PTPRB: variants seen among roughly 807,000 people sequenced by gnomAD.
The protein encoded by PTPRB is receptor-type tyrosine-protein phosphatase beta.
A neutral mutation model predicts 238.1 loss-of-function variants in PTPRB; 97 were observed. The observed-to-expected ratio is 0.41, with a 90% CI of 0.35 to 0.48. The LOEUF (loss-of-function observed/expected upper bound fraction) is 0.48. Among genes scored for constraint, PTPRB ranks in the 20% least tolerant of loss-of-function variants. PTPRB has a pLI of 0.30. For synonymous variants in PTPRB, 970 were observed against 995.4 expected (o/e 0.97, Z 0.48); for missense variants, 2,292 against 2,681.9 (o/e 0.85, Z 3.21).
chr12:70,527,265 G>C (rs1321980910), intron 32 of PTPRB, among the ~76,000 whole-genome samples: 1 of 152,160 alleles, frequency 6.6e-6, no homozygotes, highest in Non-Finnish European at 1.5e-5. Flanking sequence ...ATACAGGAGA[G>C]AAAGCCATTA....
At chr12:70,534,033 G>C (rs1873703690) in intron 31 of PTPRB, among the ~76,000 whole-genome samples, 1 of 152,334 alleles carries the variant, frequency 6.6e-6, no homozygotes, top group South Asian at 2.1e-4. Context: ...TGAAGGATAG[G>C]TAGGACTTAG....
chr12:70,561,706 T>C (rs1379629717), intron 16 of PTPRB, among the ~76,000 whole-genome samples: 2 of 152,216 alleles, frequency 1.3e-5, no homozygotes, highest in Non-Finnish European at 2.9e-5. Flanking sequence ...CCCCTCACCT[T>C]TAGGTCTCTG....
At chr12:70,614,066 T>C (rs1048128870) in intron 3 of PTPRB, among the ~76,000 whole-genome samples, 3 of 152,172 alleles carry the variant, frequency 2.0e-5, no homozygotes, top group Non-Finnish European at 4.4e-5. Flanking sequence ...CAGTACCCGT[T>C]AGAACAGTGG....
chr12:70,615,331 A>C (rs1217517289), intron 3 of PTPRB, among the ~76,000 whole-genome samples: 3 of 152,114 alleles, frequency 2.0e-5, no homozygotes, highest in Non-Finnish European at 4.4e-5. Context: ...ACAGCTGCTC[A>C]GTCTGTTAGA....
At chr12:70,563,618 C>G (rs1184748354) in intron 15 of PTPRB, among the ~76,000 whole-genome samples, 1 of 152,174 alleles carries the variant, frequency 6.6e-6, no homozygotes, top group Non-Finnish European at 1.5e-5. Context: ...CATTCTGGTC[C>G]AGATCTTTTT....
At chr12:70,538,045 T>C in intron 28 of PTPRB, 110 bp downstream of exon 28, 2 of 867,500 alleles carry the variant, frequency 2.3e-6, no homozygotes, top group Non-Finnish European at 3.5e-6. Context: ...TTCTGAAATC[T>C]ACAGGTGTTT....
intron 2 of PTPRB, among the ~76,000 whole-genome samples, chr12:70,635,008 G>A (rs765962202): frequency 3.9e-5 from 6 of 152,186 alleles, no homozygotes; most frequent in African/African-American, 1.2e-4. Flanking sequence ...ACTGAACTGT[G>A]TCCTGCACCA....
chr12:70,593,785 A>G (rs966606948), intron 6 of PTPRB, among the ~76,000 whole-genome samples: 5 of 152,158 alleles, frequency 3.3e-5, no homozygotes, highest in Non-Finnish European at 4.4e-5. Context: ...TTAAAATTAG[A>G]TAACTTACCA....
intron 21 of PTPRB, among the ~76,000 whole-genome samples, chr12:70,548,015 C>T (rs1287007660): frequency 6.6e-6 from 1 of 151,782 alleles, no homozygotes; most frequent in Non-Finnish European, 1.5e-5. Flanking sequence ...TTCCTCATGG[C>T]TTAATTTTTG....
rs752118333 is a variant in PTPRB, at chr12:70,581,149, T to C, written c.2465A>G (p.Glu822Gly). The change falls in exon 10 of 34, where the codon GAG becomes GGG. Residue 822 changes from glutamate to glycine, a missense_variant. This residue lies in a region of PTPRB where 1,205 missense variants were observed against 1,287.8 expected (regional missense o/e 0.94). Coordinates refer to ENST00000334414, the MANE Select transcript of PTPRB (RefSeq NM_001109754.4). Reference protein sequence around the residue: ...VVIKNESISSETSRYSFHSLK... With the variant: ...VVIKNESISSGTSRYSFHSLK... ...AGAGTGGAAGCTGTATCTGCTGGTC[T>C]CACTGGAGATGCTTTCATTTTTAAT... is the stretch of plus-strand genomic sequence containing the variant. The C allele has an allele frequency of 7.4e-6, 12 of 1,613,898 alleles. No homozygotes were observed. In the African/African-American group the frequency reaches 1.6e-4, roughly 22 times the overall value.
At chr12:70,581,008 G>A in intron 10 of PTPRB, 28 bp downstream of exon 10, 4 of 1,604,072 alleles carry the variant, frequency 2.5e-6, no homozygotes, top group Non-Finnish European at 3.4e-6. Context: ...TCTTAGTTAA[G>A]TCACAGACAC....
chr12:70,545,836 T>A (rs1305083752), intron 21 of PTPRB, among the ~76,000 whole-genome samples: 1 of 152,076 alleles, frequency 6.6e-6, no homozygotes, highest in Admixed American at 6.5e-5. Flanking sequence ...GTGGGATCAT[T>A]GATAGAAATA....
At chr12:70,526,099 G>A (rs76762183) in intron 32 of PTPRB, among the ~76,000 whole-genome samples, 2,054 of 152,202 alleles carry the variant, frequency 0.013, 44 homozygotes, top group African/African-American at 0.047. Context: ...TTATGGGTTG[G>A]CACTAGATAC....
rs754383209 is a variant in PTPRB at position 70,636,225 on chromosome 12, G to A, written c.56-159C>T. ...GTGAACATTCTCATATTTAACACAT[G>A]TGATTTAAAATTCCAAAGCTGACGA... On this transcript the variant is annotated intron_variant, in intron 1 of 33. Transcript: ENST00000334414. Among the ~76,000 whole-genome samples the A allele has an allele frequency of 3.6e-4, 55 of 150,752 alleles. 1 individual carries two copies. The highest frequency in any genetic ancestry group is 6.9e-3 in the Middle Eastern group (2 of 288).
chr12:70,583,997 G>A lies in PTPRB; in HGVS notation c.2312-2695C>T, dbSNP rs74101699. 5.2e-3 allele frequency among the ~76,000 whole-genome samples: 784 copies of A among 152,176 alleles called. 7 individuals are homozygous for A. Among genetic ancestry groups the A allele is most frequent in the African/African-American group, 0.018 (749 of 41,534 alleles). On this transcript the variant is annotated intron_variant, in intron 9 of 33. Coordinates refer to ENST00000334414, the MANE Select transcript of PTPRB (RefSeq NM_001109754.4). ...TCAGCTATTATAATTATCAGACATA[G>A]GATGGAAAATAAACATTGTTAATTT...
rs1047297125 is a variant in PTPRB, at chr12:70,598,258, A to G, written c.980-1931T>C. Among the ~76,000 whole-genome samples, 90 of 152,202 alleles carry G rather than the reference A, an allele frequency of 5.9e-4. 1 individual carries two copies. The highest frequency in any genetic ancestry group is 2.2e-4 in the Non-Finnish European group (15 of 68,038). On this transcript the variant is annotated intron_variant, in intron 4 of 33. Transcript: ENST00000334414. The stretch of plus-strand genomic sequence containing the variant: ...TCCTCATTTATGCAATCCTGATAAT[A>G]ATATCTTTTTAGTAGAATTGTTATG...
At chr12:70,623,001 T>C (rs1194355004) in intron 2 of PTPRB, among the ~76,000 whole-genome samples, 1 of 152,088 alleles carries the variant, frequency 6.6e-6, no homozygotes, top group African/African-American at 2.4e-5. Flanking sequence ...CTCCAAAAAC[T>C]GTGCAAAATT....
At chr12:70,524,883 A>ATGTG (rs758804384) in intron 32 of PTPRB, among the ~76,000 whole-genome samples, 1 of 150,676 alleles carries the variant, frequency 6.6e-6, no homozygotes, top group African/African-American at 2.4e-5. Flanking sequence ...GTGTGTATAT[A>ATGTG]TGTATATATG....
At chr12:70,559,294 T>C (rs375496990) in intron 18 of PTPRB, 49 bp downstream of exon 18, 65 of 1,532,922 alleles carry the variant, frequency 4.2e-5, no homozygotes, top group Non-Finnish European at 5.3e-5. Context: ...GTTGAACATA[T>C]ACTTCCTCTA....
Sources: gnomAD v4.1 joint callset for allele counts (sites outside exome capture counted in the v4.1 genomes callset) on GRCh38, gnomAD v4.1.1 for gene constraint, gnomAD v4.1.1 regional missense constraint, MANE v1.5 for transcripts, NCBI Gene and HGNC (gene_info 2026-07-23, HGNC 2026-07-21) for gene names.